HK2: variants seen among roughly 807,000 people sequenced by gnomAD.
The protein encoded by HK2 is hexokinase 2.
HK2 carries 42 observed loss-of-function variants against 92.9 expected under a neutral mutation model. The ratio of observed to expected loss-of-function variants is 0.45; its 90% CI spans 0.35 to 0.58. The LOEUF is 0.58. HK2 is among the 20% of genes least tolerant of loss of function. The probability of loss-of-function intolerance (pLI) is 0.00; values close to 1 mark genes in which losing one functional copy is unlikely to be tolerated. For synonymous variants in HK2, 422 were observed against 468.0 expected (o/e 0.90, Z 1.27); for missense variants, 978 against 1,245.1 (o/e 0.79, Z 3.23).
chr2:74,855,084 C>T (rs1209605183), intron 2 of HK2, among the ~76,000 whole-genome samples: 3 of 152,226 alleles, frequency 2.0e-5, no homozygotes, highest in Non-Finnish European at 4.4e-5. Flanking sequence ...GCAACCTCCG[C>T]CTCCTGGGTT....
At chr2:74,854,201 C>G (rs1317537005) in intron 1 of HK2, 92 bp from the exon 2 acceptor site, 4 of 1,219,872 alleles carry the variant, frequency 3.3e-6, no homozygotes, top group Non-Finnish European at 2.4e-6. Flanking sequence ...AGATTTTGTT[C>G]TTTTGAAGAG....
intron 2 of HK2, among the ~76,000 whole-genome samples, chr2:74,858,913 C>T (rs1003975737): frequency 4.6e-5 from 7 of 152,178 alleles, no homozygotes; most frequent in Non-Finnish European, 5.9e-5. Context: ...CAAGGTAAAT[C>T]GTGAAGTACC....
intron 2 of HK2, among the ~76,000 whole-genome samples, chr2:74,865,414 C>A (rs924068471): frequency 6.6e-6 from 1 of 152,200 alleles, no homozygotes; most frequent in South Asian, 2.1e-4. Context: ...CACCTCGGTC[C>A]CCTGTGGTCA....
At chr2:74,887,693 C>G (rs1301742553) in intron 15 of HK2, among the ~76,000 whole-genome samples, 1 of 152,002 alleles carries the variant, frequency 6.6e-6, no homozygotes, top group African/African-American at 2.4e-5. Flanking sequence ...GCCTCGGGCA[C>G]TGTGGTCAGT....
At position 74,866,504 on chromosome 2, in the gene HK2, C is replaced by T. The variant is rs532055985; in HGVS notation, c.227-1132C>T. ...AGCCCCTGCCCTGCTGCAGGTTCCG[C>T]GCCTCTTCAGCACTTTCATTCTGTG... On this transcript the variant is annotated intron_variant, in intron 2 of 17. Transcript: ENST00000290573. 1.1e-4 allele frequency among the ~76,000 whole-genome samples: 16 copies of T among 152,306 alleles called. No homozygotes were observed. The East Asian group carries it at 2.1e-3, about 20-fold the overall frequency.
rs923887855 is a variant in HK2 at position 74,892,208 on chromosome 2, G to A, written c.*1267G>A. On this transcript the variant is annotated 3_prime_UTR_variant, in exon 18 of 18. Coordinates refer to ENST00000290573, the MANE Select transcript of HK2 (RefSeq NM_000189.5). ...TTAGGGCAGTCAGTAGTATTCTAAA[G>A]CTTTCTGACAAGATAAAGGAAGTCA... The A allele has an allele frequency of 2.0e-5, 3 of 152,250 alleles. No homozygotes were observed. The highest frequency in any genetic ancestry group is 2.0e-4 in the Admixed American group (3 of 15,284). 9.4% of individuals were successfully genotyped at this position (152,250 alleles called of 1,614,324 possible). A position where few individuals can be genotyped will look rare whatever the true frequency, so the allele number is the denominator to read the frequency against.
chr2:74,845,936 T>A (rs916737795), intron 1 of HK2, among the ~76,000 whole-genome samples: 2 of 152,230 alleles, frequency 1.3e-5, no homozygotes, highest in African/African-American at 4.8e-5. Context: ...GTGAGGGCAT[T>A]ATTATTAATG....
At chr2:74,887,434 A>G (rs1573392747) in intron 15 of HK2, among the ~76,000 whole-genome samples, 4 of 151,492 alleles carry the variant, frequency 2.6e-5, no homozygotes, top group African/African-American at 9.7e-5. Flanking sequence ...AGTGGCCAGG[A>G]TGGGGGCCCT....
chr2:74,873,432 C>A, intron 5 of HK2, 61 bp downstream of exon 5: 2 of 1,100,144 alleles, frequency 1.8e-6, no homozygotes, highest in Non-Finnish European at 2.8e-6. Flanking sequence ...CTGAAGACTC[C>A]CTGAGTGTCC....
intron 2 of HK2, among the ~76,000 whole-genome samples, chr2:74,857,800 T>C (rs1304760772): frequency 1.3e-5 from 2 of 152,256 alleles, no homozygotes; most frequent in East Asian, 3.9e-4. Context: ...AAATGAAAAT[T>C]CTCTATTGTC....
At position 74,888,706 on chromosome 2, in the gene HK2, T is replaced by C. The variant is rs190384275; in HGVS notation, c.2376-539T>C. 2.0e-5 allele frequency among the ~76,000 whole-genome samples: 3 copies of C among 152,384 alleles called. No individual in the cohort carries two copies. The East Asian group carries it at 5.8e-4, about 29-fold the overall frequency. ...TATATTCTAGCTTATAGGTCTGTTA[T>C]GTTCAGCGAGGTGATTCCAGGCTTC... is the stretch of plus-strand genomic sequence containing the variant. On this transcript the variant is annotated intron_variant, in intron 16 of 17. Coordinates refer to ENST00000290573, the MANE Select transcript of HK2 (RefSeq NM_000189.5).
At chr2:74,854,142 C>T (rs1188804818) in intron 1 of HK2, 151 bp from the exon 2 acceptor site, 1 of 769,186 alleles carries the variant, frequency 1.3e-6, no homozygotes, top group East Asian at 2.5e-5. Context: ...AAAGTCCTGT[C>T]AAATCGGTTC....
intron 1 of HK2, among the ~76,000 whole-genome samples, chr2:74,838,977 C>T (rs191464270): frequency 2.6e-5 from 4 of 152,234 alleles, no homozygotes; most frequent in East Asian, 3.9e-4. Flanking sequence ...TGTTTTAATA[C>T]GCATAGACTG....
In HK2 at chr2:74,875,382, G is replaced by A. The variant is rs909371003; in HGVS notation, c.875+933G>A. On this transcript the variant is annotated intron_variant, in intron 7 of 17. Transcript: ENST00000290573. The stretch of plus-strand genomic sequence containing the variant: ...CTCTCTCTGTTGCCCAGGCTGGTGT[G>A]CAATGGCGCAATCTTGGCTCACCGC... 2.2e-5 allele frequency among the ~76,000 whole-genome samples: 3 copies of A among 134,498 alleles called. No homozygotes were observed. The Admixed American group carries it at 2.5e-4, about 11-fold the overall frequency. The allele number at this position is 134,498 out of a possible 152,430, so 88.2% of individuals were successfully genotyped here. A position where few individuals can be genotyped will look rare whatever the true frequency, so the allele number is the denominator to read the frequency against.
intron 2 of HK2, among the ~76,000 whole-genome samples, chr2:74,855,250 C>G (rs1688667932): frequency 6.6e-6 from 1 of 152,218 alleles, no homozygotes; most frequent in Non-Finnish European, 1.5e-5. Flanking sequence ...CCGCTTCAGC[C>G]TCCCAAAGTG....
At chr2:74,845,567 A>G (rs28362965) in intron 1 of HK2, among the ~76,000 whole-genome samples, 6,069 of 152,314 alleles carry the variant, frequency 0.04, 168 homozygotes, top group Non-Finnish European at 0.058. Flanking sequence ...GTGACTCACA[A>G]CCGCTGCAAC....
At chr2:74,850,608 C>T (rs376158974) in intron 1 of HK2, among the ~76,000 whole-genome samples, 1 of 152,206 alleles carries the variant, frequency 6.6e-6, no homozygotes, top group South Asian at 2.1e-4. Flanking sequence ...CTATCACCTG[C>T]TTGGCTTTCT....
chr2:74,888,087 G>C, intron 16 of HK2, 29 bp downstream of exon 16: 1 of 1,612,752 alleles, frequency 6.2e-7, no homozygotes, highest in Non-Finnish European at 8.5e-7. Context: ...GGGTAGCAGG[G>C]GGGCCATGTC....
intron 7 of HK2, among the ~76,000 whole-genome samples, chr2:74,874,817 C>T (rs1236063644): frequency 6.6e-6 from 1 of 152,132 alleles, no homozygotes; most frequent in East Asian, 1.9e-4. Context: ...TCTCTGAAAG[C>T]TCCTTTCATA....
Sources: allele counts gnomAD v4.1 joint callset (sites outside exome capture counted in the v4.1 genomes callset), GRCh38; gene constraint gnomAD v4.1.1; transcripts MANE v1.5; gene names NCBI Gene and HGNC (gene_info 2026-07-23, HGNC 2026-07-21).